STK38L: variants seen among roughly 807,000 people sequenced by gnomAD.
The protein encoded by STK38L is serine/threonine kinase 38 like, also known as serine/threonine-protein kinase 38-like.
Under a neutral mutation model 59.7 loss-of-function variants are expected in STK38L, and 28 were observed. The ratio of observed to expected loss-of-function variants is 0.47; its 90% CI spans 0.35 to 0.64. The LOEUF (loss-of-function observed/expected upper bound fraction) is 0.64, where lower values mean the gene tolerates loss of function less well. STK38L is among the 30% of genes least tolerant of loss of function. The pLI is 0.01. For missense variants in STK38L, 314 were observed against 555.8 expected (o/e 0.56, Z 4.37); for synonymous variants, 162 against 176.8 (o/e 0.92, Z 0.66).
intron 1 of STK38L, among the ~76,000 whole-genome samples, chr12:27,280,555 G>C (rs1420408255): frequency 6.6e-6 from 1 of 152,146 alleles, no homozygotes; most frequent in Non-Finnish European, 1.5e-5. Context: ...GCTACTTCAG[G>C]CGTCCTGGGA....
At chr12:27,298,501 CA>C (rs1443168117) in intron 2 of STK38L, 7 of 152,026 alleles carry the variant, frequency 4.6e-5, no homozygotes, top group South Asian at 2.1e-4. Context: ...CAGTGCATAT[CA>C]GGGGGAATAG....
Position 27,306,714 on chromosome 12 carries a change from A to AAC in STK38L, c.187-1587_187-1586dup, listed in dbSNP as rs10553623. Among the ~76,000 whole-genome samples, 1,368 of 139,138 alleles carry AAC rather than the reference A, an allele frequency of 9.8e-3. 16 individuals carry two copies. Among genetic ancestry groups the AAC allele is most frequent in the East Asian group, 0.053 (245 of 4,626 alleles). The allele number at this position is 139,138 out of a possible 152,430, so 91.3% of individuals were successfully genotyped here. On this transcript the variant is annotated intron_variant, in intron 3 of 13. Transcript: ENST00000389032. ...GTGTTGGTATTTCAGGAATTTTATA[A>AAC]ACACACACACACACACACACACACA... is the stretch of plus-strand genomic sequence containing the variant.
chr12:27,285,774 G>A (rs1943758865), intron 1 of STK38L, among the ~76,000 whole-genome samples: 1 of 152,184 alleles, frequency 6.6e-6, no homozygotes, highest in Non-Finnish European at 1.5e-5. Flanking sequence ...AAGAGTAAAG[G>A]GGAGTGGGCA....
chr12:27,261,384 T>C (rs1943201249), intron 1 of STK38L, among the ~76,000 whole-genome samples: 1 of 152,224 alleles, frequency 6.6e-6, no homozygotes, highest in African/African-American at 2.4e-5. Flanking sequence ...TGATGCTTAA[T>C]AGTATCATAT....
intron 1 of STK38L, among the ~76,000 whole-genome samples, chr12:27,272,414 T>C (rs1008345461): frequency 2.0e-5 from 3 of 152,218 alleles, no homozygotes; most frequent in African/African-American, 7.2e-5. Flanking sequence ...GCCATGCGAT[T>C]TAAATATTAT....
chr12:27,300,352 A>G (rs1188095997), intron 2 of STK38L, among the ~76,000 whole-genome samples: 1 of 152,216 alleles, frequency 6.6e-6, no homozygotes, highest in Admixed American at 6.5e-5. Context: ...AACAGAAATC[A>G]TGGATCTTCC....
intron 1 of STK38L, among the ~76,000 whole-genome samples, chr12:27,252,031 G>C (rs999781516): frequency 1.3e-5 from 2 of 152,156 alleles, no homozygotes; most frequent in East Asian, 3.9e-4. Flanking sequence ...CCAGGCTGGA[G>C]TGCAGTGGCG....
Position 27,314,526 on chromosome 12 carries a change from GAAGA to G in STK38L, c.545_548del (p.Lys182ThrfsTer3). 1 of 1,578,886 alleles carries G rather than the reference GAAGA, an allele frequency of 6.3e-7. No individual in the cohort carries two copies. The highest frequency in any genetic ancestry group is 1.4e-5 in the African/African-American group (1 of 72,868). On this transcript the variant is annotated frameshift_variant, in exon 7 of 14. Coordinates refer to ENST00000389032, the MANE Select transcript of STK38L (RefSeq NM_015000.4). LOFTEE classifies it high-confidence loss of function. ...TAGGTGACATGATGACATTGCTAAT[GAAGA>G]AAGACACCTTGACAGAAGAGGAAAC... is the stretch of plus-strand genomic sequence containing the variant.
intron 1 of STK38L, among the ~76,000 whole-genome samples, chr12:27,250,368 T>C (rs1942945442): frequency 6.6e-6 from 1 of 152,246 alleles, no homozygotes. Context: ...AAGCATACTT[T>C]GTGTAATTTA....
chr12:27,271,732 C>T (rs895948100), intron 1 of STK38L, among the ~76,000 whole-genome samples: 3 of 152,162 alleles, frequency 2.0e-5, no homozygotes, highest in Non-Finnish European at 4.4e-5. Context: ...CGGAGTTTTG[C>T]TCTGTCACCC....
intron 1 of STK38L, among the ~76,000 whole-genome samples, chr12:27,271,088 T>C (rs187088974): frequency 4.6e-5 from 7 of 152,320 alleles, no homozygotes; most frequent in Non-Finnish European, 1.5e-5. Context: ...GCATTACATA[T>C]ATTAACTCAC....
intron 1 of STK38L, among the ~76,000 whole-genome samples, chr12:27,289,301 C>CTCTTAATTGT (rs201744206): frequency 0.07 from 10,630 of 151,750 alleles, 480 homozygotes; most frequent in Non-Finnish European, 0.1. Context: ...GTAAATTTAC[C>CTCTTAATTGT]TCTTAATTGT....
chr12:27,320,390 G>A (rs992880695), intron 12 of STK38L, among the ~76,000 whole-genome samples: 8 of 149,804 alleles, frequency 5.3e-5, no homozygotes, highest in Admixed American at 1.3e-4. Flanking sequence ...CCTCATCCCC[G>A]CAAGTAGCTG....
At position 27,323,747 on chromosome 12, in the gene STK38L, A is replaced by G. The variant is rs1265724323; in HGVS notation, c.*1292A>G. ...GGCCAGGGGGTTGTGATGAGAGGAT[A>G]GGGGAGATAATATCAGCATCAAATT... On this transcript the variant is annotated 3_prime_UTR_variant, in exon 14 of 14. Transcript: ENST00000389032. 1.3e-5 allele frequency: 2 copies of G among 152,514 alleles called. No individual in the cohort carries two copies. The highest frequency in any genetic ancestry group is 4.8e-5 in the African/African-American group (2 of 41,446). The allele number at this position is 152,514 out of a possible 1,614,324, so 9.4% of individuals were successfully genotyped here.
intron 1 of STK38L, among the ~76,000 whole-genome samples, chr12:27,248,674 G>A (rs760060627): frequency 1.4e-4 from 22 of 152,086 alleles, no homozygotes; most frequent in Non-Finnish European, 2.8e-4. Context: ...CTCTGTGAAC[G>A]AATATAAGTA....
chr12:27,311,520 A>G (rs1385313990), intron 5 of STK38L, among the ~76,000 whole-genome samples: 1 of 152,100 alleles, frequency 6.6e-6, no homozygotes. Context: ...GAAAAAGTGT[A>G]TAAATATATT....
At chr12:27,300,526 C>A in intron 2 of STK38L, 1 of 455,938 alleles carries the variant, frequency 2.2e-6, no homozygotes, top group South Asian at 1.5e-5. Context: ...GAATAATGGT[C>A]CTCTTACTCT....
At chr12:27,321,825 C>T (rs1331035451) in intron 12 of STK38L, among the ~76,000 whole-genome samples, 1 of 152,110 alleles carries the variant, frequency 6.6e-6, no homozygotes, top group Non-Finnish European at 1.5e-5. Context: ...AGGGAATGGA[C>T]ACCCCATTCT....
chr12:27,268,804 C>A (rs371537205), intron 1 of STK38L, among the ~76,000 whole-genome samples: 4 of 152,036 alleles, frequency 2.6e-5, no homozygotes, highest in Admixed American at 2.0e-4. Flanking sequence ...TTTTAATGAT[C>A]GCCATTCTAA....
Sources: allele counts gnomAD v4.1 joint callset (sites outside exome capture counted in the v4.1 genomes callset), GRCh38; gene constraint gnomAD v4.1.1; transcripts MANE v1.5; gene names NCBI Gene and HGNC (gene_info 2026-07-23, HGNC 2026-07-21).